IDO2: variants seen among roughly 807,000 people sequenced by gnomAD.
IDO2 encodes the protein indoleamine 2,3-dioxygenase-like 1 protein.
Under a neutral mutation model 45.1 loss-of-function variants are expected in IDO2, and 46 were observed. That is an observed-to-expected ratio of 1.02 (90% CI 0.80 to 1.30). The LOEUF (loss-of-function observed/expected upper bound fraction) is 1.30. IDO2 is among the 50% of genes most tolerant of loss of function. The pLI is 0.00. For synonymous variants in IDO2, 218 were observed against 184.9 expected, an observed-to-expected ratio of 1.18 and a Z score of -1.45; for missense variants, 544 against 491.8, an observed-to-expected ratio of 1.11 and a Z score of -1.00.
At chr8:39,941,922 A>C (rs1807649108) in intron 1 of IDO2, among the ~76,000 whole-genome samples, 3 of 151,810 alleles carry the variant, frequency 2.0e-5, no homozygotes, top group Admixed American at 2.0e-4. Context: ...CCATCTCTAC[A>C]AAAAACAAAA....
At chr8:39,993,569 C>T (rs1449473314) in intron 8 of IDO2, among the ~76,000 whole-genome samples, 2 of 152,174 alleles carry the variant, frequency 1.3e-5, no homozygotes, top group African/African-American at 2.4e-5. Flanking sequence ...CACTTGATTT[C>T]ATGGAAGGAA....
chr8:39,961,763 C>A (rs936292813), intron 2 of IDO2, among the ~76,000 whole-genome samples: 10 of 152,194 alleles, frequency 6.6e-5, no homozygotes, highest in African/African-American at 2.2e-4. Flanking sequence ...TATCCCCACT[C>A]TTTGACTTTC....
chr8:39,994,140 T>C (rs141015509), intron 8 of IDO2, among the ~76,000 whole-genome samples: 2 of 152,326 alleles, frequency 1.3e-5, no homozygotes, highest in Non-Finnish European at 2.9e-5. Flanking sequence ...AAATGGTATT[T>C]ATTAAAATAT....
At chr8:39,998,117 G>A (rs112230239) in intron 8 of IDO2, 14 of 212,340 alleles carry the variant, frequency 6.6e-5, no homozygotes, top group African/African-American at 3.2e-4. Flanking sequence ...GCCTATGGTA[G>A]ACATGGCAAA....
intron 4 of IDO2, among the ~76,000 whole-genome samples, chr8:39,980,095 A>G (rs1808320663): frequency 6.6e-6 from 1 of 152,230 alleles, no homozygotes; most frequent in South Asian, 2.1e-4. Flanking sequence ...TGCTGGGATT[A>G]CAGGCGTGAG....
intron 1 of IDO2, among the ~76,000 whole-genome samples, chr8:39,936,252 G>C (rs761493545): frequency 1.3e-5 from 2 of 152,110 alleles, no homozygotes; most frequent in Non-Finnish European, 2.9e-5. Flanking sequence ...AAATTACCCT[G>C]CTATTGATTT....
At chr8:40,004,554 G>A (rs930639096) in intron 8 of IDO2, among the ~76,000 whole-genome samples, 1 of 151,962 alleles carries the variant, frequency 6.6e-6, no homozygotes, top group African/African-American at 2.4e-5. Flanking sequence ...TAGATAGATA[G>A]ATAGATAGAT....
chr8:40,004,826 T>C (rs1396180542), intron 8 of IDO2, among the ~76,000 whole-genome samples: 1 of 152,244 alleles, frequency 6.6e-6, no homozygotes, highest in Non-Finnish European at 1.5e-5. Flanking sequence ...AACATGAAGC[T>C]AAGTGAACCT....
intron 2 of IDO2, among the ~76,000 whole-genome samples, chr8:39,961,337 T>TTTTG (rs1807994254): frequency 6.7e-6 from 1 of 149,626 alleles, no homozygotes; most frequent in Admixed American, 6.7e-5. Context: ...TTTTTTTTTT[T>TTTTG]TTGAAATGGA....
chr8:39,968,930 A>G (rs1185917278), intron 3 of IDO2, among the ~76,000 whole-genome samples: 1 of 152,164 alleles, frequency 6.6e-6, no homozygotes. Flanking sequence ...CTGGACTACA[A>G]ATGCACTATA....
intron 4 of IDO2, among the ~76,000 whole-genome samples, chr8:39,981,972 G>C (rs2543069): frequency 6.6e-6 from 1 of 152,098 alleles, no homozygotes; most frequent in African/African-American, 2.4e-5. Flanking sequence ...GTATTACTGG[G>C]TTTGACTTAT....
chr8:40,009,005 A>ATATTTATT (rs56020913), intron 9 of IDO2, among the ~76,000 whole-genome samples: 87 of 149,720 alleles, frequency 5.8e-4, no homozygotes, highest in South Asian at 1.5e-3. Context: ...TTTATTATTT[A>ATATTTATT]TATTTATTTA....
At chr8:39,970,666 C>A (rs968392621) in intron 3 of IDO2, among the ~76,000 whole-genome samples, 1 of 151,538 alleles carries the variant, frequency 6.6e-6, no homozygotes, top group Non-Finnish European at 1.5e-5. Flanking sequence ...AGCTGGATTA[C>A]AGGCATGAGC....
At chr8:39,957,042 C>CAAAAAAA (rs56064306) in intron 2 of IDO2, among the ~76,000 whole-genome samples, 3 of 31,314 alleles carry the variant, frequency 9.6e-5, no homozygotes, top group Admixed American at 4.6e-4. Context: ...GACTCCATCT[C>CAAAAAAA]AAAAAAAAAA....
chr8:39,982,553 T>C, intron 4 of IDO2, 99 bp from the exon 5 acceptor site: 2 of 763,680 alleles, frequency 2.6e-6, no homozygotes, highest in Non-Finnish European at 4.2e-6. Flanking sequence ...CCAGATCATT[T>C]CTGTACCACA....
chr8:40,015,212 G>A (rs368981034), intron 10 of IDO2, 35 bp from the exon 11 acceptor site: 5 of 1,184,126 alleles, frequency 4.2e-6, no homozygotes, highest in African/African-American at 1.5e-5. Context: ...ATTTCCATGT[G>A]GAGCTATGAC....
chr8:39,951,260 A>G (rs965013878), intron 2 of IDO2, among the ~76,000 whole-genome samples: 3 of 144,372 alleles, frequency 2.1e-5, no homozygotes, highest in Admixed American at 7.6e-5. Context: ...AATGACTGCA[A>G]CATCGGACCC....
chr8:39,964,555 C>G (rs1237768360), intron 3 of IDO2, among the ~76,000 whole-genome samples: 3 of 152,178 alleles, frequency 2.0e-5, no homozygotes, highest in African/African-American at 7.2e-5. Flanking sequence ...TTTCCCTTTG[C>G]TGATGGATAA....
chr8:39,952,972 T>G (rs1209333310), intron 2 of IDO2, among the ~76,000 whole-genome samples: 1 of 146,676 alleles, frequency 6.8e-6, no homozygotes, highest in Non-Finnish European at 1.5e-5. Flanking sequence ...TTCTCCATGT[T>G]GGTCAGGCTG....
Sources: allele counts gnomAD v4.1 joint callset (sites outside exome capture counted in the v4.1 genomes callset), GRCh38; gene constraint gnomAD v4.1.1; transcripts MANE v1.5; gene names NCBI Gene and HGNC (gene_info 2026-07-23, HGNC 2026-07-21).